The following TCEANC2 variants were observed in gnomAD, a reference collection of about 807,000 sequenced individuals.
The protein encoded by TCEANC2 is transcription elongation factor A N-terminal and central domain containing 2.
A neutral mutation model predicts 22.8 loss-of-function variants in TCEANC2; 20 were observed. The observed-to-expected ratio is 0.88, with a 90% CI of 0.62 to 1.28. The LOEUF (loss-of-function observed/expected upper bound fraction) is 1.28, where lower values mean the gene tolerates loss of function less well. Among genes scored for constraint, TCEANC2 ranks in the 50% most tolerant of loss-of-function variants. TCEANC2 has a pLI of 0.00. For missense variants in TCEANC2, 251 were observed against 249.7 expected (o/e 1.01, Z -0.03); for synonymous variants, 84 against 95.5 (o/e 0.88, Z 0.70).
chr1:54,068,251 G>A (rs181815970), intron 2 of TCEANC2, among the ~76,000 whole-genome samples: 73 of 152,268 alleles, frequency 4.8e-4, no homozygotes, highest in African/African-American at 1.7e-3. Context: ...TAAATAGTGG[G>A]TTACTCTCTG....
At chr1:54,108,330 C>T (rs1327329675), downstream of TCEANC2, among the ~76,000 whole-genome samples, 1 of 152,148 alleles carries the variant, frequency 6.6e-6, no homozygotes, top group Non-Finnish European at 1.5e-5. Flanking sequence ...TGTTGAAGTC[C>T]TCACCCCCAG....
downstream of TCEANC2, among the ~76,000 whole-genome samples, chr1:54,107,834 C>T (rs1658782334): frequency 6.6e-6 from 1 of 152,174 alleles, no homozygotes; most frequent in African/African-American, 2.4e-5. Context: ...TAATCATTAG[C>T]GTATTGCTAT....
chr1:54,089,968 G>T, intron 4 of TCEANC2: 1 of 719,538 alleles, frequency 1.4e-6, no homozygotes, highest in Non-Finnish European at 2.6e-6. Flanking sequence ...GATAAATATG[G>T]TAGTGCTGTA....
chr1:54,112,154 G>C (rs1225462463), exon 5 of TCEANC2: 1 of 151,168 alleles, frequency 6.6e-6, no homozygotes, highest in Non-Finnish European at 1.5e-5. Flanking sequence ...ACCAGCCCGG[G>C]TAACGTGGCA....
At chr1:54,110,420 G>A (rs571778342), downstream of TCEANC2, among the ~76,000 whole-genome samples, 53 of 151,994 alleles carry the variant, frequency 3.5e-4, no homozygotes, top group African/African-American at 1.2e-3. Context: ...GCAGCATAGT[G>A]AGATCTCTTT....
At chr1:54,080,811 A>T (rs552355959) in intron 3 of TCEANC2, among the ~76,000 whole-genome samples, 1 of 152,224 alleles carries the variant, frequency 6.6e-6, no homozygotes, top group Non-Finnish European at 1.5e-5. Flanking sequence ...AACCCAGGGA[A>T]CTTGACCTGG....
At chr1:54,081,812 C>T (rs1001495550) in intron 3 of TCEANC2, among the ~76,000 whole-genome samples, 1 of 152,164 alleles carries the variant, frequency 6.6e-6, no homozygotes, top group Non-Finnish European at 1.5e-5. Flanking sequence ...GGGCATGGCT[C>T]TTGTGGGAGT....
intron 4 of TCEANC2, among the ~76,000 whole-genome samples, chr1:54,089,680 T>C (rs1658405239): frequency 6.6e-6 from 1 of 152,260 alleles, no homozygotes; most frequent in Non-Finnish European, 1.5e-5. Context: ...ATTTAAATGC[T>C]AGCTCTGTTA....
intron 3 of TCEANC2, among the ~76,000 whole-genome samples, chr1:54,085,821 A>G (rs1658329179): frequency 6.6e-6 from 1 of 151,922 alleles, no homozygotes; most frequent in Non-Finnish European, 1.5e-5. Context: ...ATAGCCTTGA[A>G]CTTTTAGGTT....
chr1:54,056,065 G>T (rs188864501), intron 2 of TCEANC2, among the ~76,000 whole-genome samples: 1 of 152,242 alleles, frequency 6.6e-6, no homozygotes, highest in Non-Finnish European at 1.5e-5. Context: ...ACTTGATTGA[G>T]CCCTACCAAA....
At chr1:54,084,766 C>A (rs571405161) in intron 3 of TCEANC2, among the ~76,000 whole-genome samples, 1 of 151,420 alleles carries the variant, frequency 6.6e-6, no homozygotes, top group South Asian at 2.1e-4. Context: ...AGCAAAACTC[C>A]GTCTAAAAAA....
At chr1:54,058,766 C>T (rs1657798546) in intron 2 of TCEANC2, among the ~76,000 whole-genome samples, 1 of 152,172 alleles carries the variant, frequency 6.6e-6, no homozygotes, top group Non-Finnish European at 1.5e-5. Context: ...AAGCGATTCT[C>T]CTGCCTCAGC....
intron 4 of TCEANC2, among the ~76,000 whole-genome samples, chr1:54,094,248 TTG>T (rs1658503019): frequency 6.6e-6 from 1 of 152,232 alleles, no homozygotes; most frequent in Non-Finnish European, 1.5e-5. Flanking sequence ...TGCTCTTTGC[TTG>T]GTCCTTATAT....
chr1:54,067,669 T>C (rs904230633), intron 2 of TCEANC2, among the ~76,000 whole-genome samples: 1 of 152,114 alleles, frequency 6.6e-6, no homozygotes, highest in Non-Finnish European at 1.5e-5. Flanking sequence ...AACACCCTTC[T>C]CCCACCATAG....
At chr1:54,054,578 G>A in intron 2 of TCEANC2, 54 bp downstream of exon 2, 1 of 1,532,920 alleles carries the variant, frequency 6.5e-7, no homozygotes, top group Non-Finnish European at 8.8e-7. Flanking sequence ...TAGCAAGGTG[G>A]TGCTAGAGGT....
chr1:54,061,121 C>T (rs528259225), intron 2 of TCEANC2, among the ~76,000 whole-genome samples: 40 of 152,118 alleles, frequency 2.6e-4, no homozygotes, highest in Non-Finnish European at 5.3e-4. Context: ...TCTTCTGTTT[C>T]CTCTATGTAT....
At chr1:54,058,879 AC>A (rs963291363) in intron 2 of TCEANC2, among the ~76,000 whole-genome samples, 4 of 151,228 alleles carry the variant, frequency 2.6e-5, no homozygotes, top group African/African-American at 9.7e-5. Flanking sequence ...CTGGTCTTGA[AC>A]TCCTGACCTC....
At chr1:54,054,961 G>GT (rs1418460809) in intron 2 of TCEANC2, among the ~76,000 whole-genome samples, 3 of 152,066 alleles carry the variant, frequency 2.0e-5, no homozygotes, top group African/African-American at 4.8e-5. Flanking sequence ...GAAAGAGGCT[G>GT]TTTTTTTGTT....
At chr1:54,082,702 G>A (rs1316435323) in intron 3 of TCEANC2, among the ~76,000 whole-genome samples, 2 of 152,120 alleles carry the variant, frequency 1.3e-5, no homozygotes, top group Non-Finnish European at 1.5e-5. Context: ...AGAGTGGGAG[G>A]GGTGAAAGTG....
Sources: gnomAD v4.1 joint callset for allele counts (sites outside exome capture counted in the v4.1 genomes callset) on GRCh38, gnomAD v4.1.1 for gene constraint, MANE v1.5 for transcripts, NCBI Gene and HGNC (gene_info 2026-07-23, HGNC 2026-07-21) for gene names.